PDE11A: variants seen among roughly 807,000 people sequenced by gnomAD.
The protein encoded by PDE11A is phosphodiesterase 11A, also known as dual 3',5'-cyclic-AMP and -GMP phosphodiesterase 11A.
PDE11A carries 100 observed loss-of-function variants against 100.5 expected under a neutral mutation model. The ratio of observed to expected loss-of-function variants is 1.00; its 90% CI spans 0.85 to 1.18. PDE11A has a LOEUF of 1.18. PDE11A is among the 50% of genes most tolerant of loss of function. The pLI, the probability that PDE11A is intolerant of heterozygous loss-of-function variation, is 0.00. For missense variants in PDE11A, 1,141 were observed against 1,152.6 expected (o/e 0.99, Z 0.15); for synonymous variants, 381 against 420.8 (o/e 0.91, Z 1.16).
intron 13 of PDE11A, among the ~76,000 whole-genome samples, chr2:177,702,931 A>T (rs551029946): frequency 1.3e-5 from 2 of 152,182 alleles, no homozygotes; most frequent in Non-Finnish European, 2.9e-5. Context: ...TGATAAATTA[A>T]TACTTAATGT....
intron 1 of PDE11A, among the ~76,000 whole-genome samples, chr2:178,058,608 G>C (rs1228939270): frequency 6.6e-6 from 1 of 152,140 alleles, no homozygotes; most frequent in Non-Finnish European, 1.5e-5. Context: ...AGCAGCATGA[G>C]AATAGACTAA....
intron 10 of PDE11A, 58 bp from the exon 11 acceptor site, chr2:177,728,230 C>T: frequency 6.8e-7 from 1 of 1,480,478 alleles, no homozygotes; most frequent in Admixed American, 1.7e-5. Context: ...AAACCCCCAT[C>T]CTGCTCTCCT....
intron 2 of PDE11A, among the ~76,000 whole-genome samples, chr2:177,933,768 T>C (rs909678353): frequency 5.3e-5 from 8 of 151,968 alleles, no homozygotes; most frequent in African/African-American, 1.9e-4. Context: ...CAAAACAGCA[T>C]GTACAAAAAC....
At chr2:177,944,789 T>C (rs796075087) in intron 2 of PDE11A, among the ~76,000 whole-genome samples, 3 of 147,712 alleles carry the variant, frequency 2.0e-5, no homozygotes, top group Admixed American at 6.8e-5. Flanking sequence ...TTTGGACAGA[T>C]AGAAGATGCG....
chr2:178,087,443 T>C (rs1470236044), intron 2 of PDE11A, among the ~76,000 whole-genome samples: 1 of 151,428 alleles, frequency 6.6e-6, no homozygotes, highest in African/African-American at 2.4e-5. Flanking sequence ...GCAACATGGA[T>C]AAAACTGGAG....
At chr2:177,833,481 T>C (rs1031137782) in intron 6 of PDE11A, among the ~76,000 whole-genome samples, 3 of 152,150 alleles carry the variant, frequency 2.0e-5, no homozygotes, top group African/African-American at 7.2e-5. Flanking sequence ...CCCAAGAGGA[T>C]GCTAAAGGAA....
intron 9 of PDE11A, among the ~76,000 whole-genome samples, chr2:177,770,814 G>T (rs1280980526): frequency 6.6e-6 from 1 of 152,148 alleles, no homozygotes; most frequent in Non-Finnish European, 1.5e-5. Flanking sequence ...GTTTTATGCT[G>T]CCAGACACAT....
upstream of PDE11A, among the ~76,000 whole-genome samples, chr2:178,075,814 T>C (rs1463466889): frequency 6.6e-6 from 1 of 151,852 alleles, no homozygotes; most frequent in Non-Finnish European, 1.5e-5. Flanking sequence ...CTTGAAGAGG[T>C]CCCCTTAGGA....
At chr2:177,925,050 G>A (rs1457820778) in intron 2 of PDE11A, among the ~76,000 whole-genome samples, 1 of 150,442 alleles carries the variant, frequency 6.6e-6, no homozygotes, top group African/African-American at 2.4e-5. Flanking sequence ...CCCTACAAAG[G>A]ACATGAACTC....
intron 6 of PDE11A, among the ~76,000 whole-genome samples, chr2:177,837,100 C>T (rs2083414423): frequency 6.6e-6 from 1 of 152,198 alleles, no homozygotes; most frequent in Non-Finnish European, 1.5e-5. Context: ...TGGCCTCTCC[C>T]TCCGTGTGCA....
intron 5 of PDE11A, among the ~76,000 whole-genome samples, chr2:177,873,601 T>A (rs2084181394): frequency 6.6e-6 from 1 of 152,144 alleles, no homozygotes; most frequent in Non-Finnish European, 1.5e-5. Context: ...ACAAATACAG[T>A]TGTATAATCA....
intron 9 of PDE11A, among the ~76,000 whole-genome samples, chr2:177,782,878 C>T (rs2082473781): frequency 6.6e-6 from 1 of 151,438 alleles, no homozygotes; most frequent in African/African-American, 2.4e-5. Context: ...CTATCTCTCC[C>T]CTCTCCACTT....
In PDE11A at chr2:177,845,696, T is replaced by C. The variant is rs910311203; in HGVS notation, c.1368-5313A>G. Among the ~76,000 whole-genome samples the C allele has an allele frequency of 3.3e-5, 5 of 151,684 alleles. No homozygotes were observed. The South Asian group carries it at 6.3e-4, about 19-fold the overall frequency. Reference sequence around the variant, plus strand: ...AAGGCAGGCAGCTGGGAGGTGGAGGTTGTAGCAAGCCGAGATCAAGCCACT... The same window carrying C: ...AAGGCAGGCAGCTGGGAGGTGGAGGCTGTAGCAAGCCGAGATCAAGCCACT... On this transcript the variant is annotated intron_variant, in intron 5 of 19. Transcript: ENST00000286063.
Position 177,845,034 on chromosome 2 carries a change from G to A in PDE11A, c.1368-4651C>T, listed in dbSNP as rs1313671630. Among the ~76,000 whole-genome samples, 1,103 of 151,532 alleles carry A rather than the reference G, an allele frequency of 7.3e-3. 10 individuals are homozygous for A. The highest frequency in any genetic ancestry group is 0.025 in the African/African-American group (1,023 of 41,324). The stretch of plus-strand genomic sequence containing the variant: ...AAAGCCGCCATTGTCATCCTGGCCC[G>A]TTCTCAATGAGCTGTTGGGCACACC... On this transcript the variant is annotated intron_variant, in intron 5 of 19. Transcript: ENST00000286063.
At chr2:177,830,654 T>A (rs915709994) in intron 6 of PDE11A, among the ~76,000 whole-genome samples, 1 of 147,410 alleles carries the variant, frequency 6.8e-6, no homozygotes, top group Non-Finnish European at 1.5e-5. Flanking sequence ...AATAATCAGG[T>A]GTTGTTTTAA....
intron 2 of PDE11A, among the ~76,000 whole-genome samples, chr2:178,091,447 C>T (rs2087422131): frequency 6.6e-6 from 1 of 152,144 alleles, no homozygotes; most frequent in African/African-American, 2.4e-5. Flanking sequence ...GCAGAAGATC[C>T]AAGTTTTGGT....
At chr2:177,822,931 T>C (rs2083163055) in intron 6 of PDE11A, among the ~76,000 whole-genome samples, 1 of 152,164 alleles carries the variant, frequency 6.6e-6, no homozygotes, top group Non-Finnish European at 1.5e-5. Flanking sequence ...TTTGTTTCCA[T>C]CAATCTTGCT....
At chr2:177,953,501 C>T (rs1222557047) in intron 2 of PDE11A, among the ~76,000 whole-genome samples, 8 of 152,124 alleles carry the variant, frequency 5.3e-5, no homozygotes, top group Non-Finnish European at 1.2e-4. Flanking sequence ...TACATTATAT[C>T]TTTCTGAAAA....
chr2:177,874,793 T>C (rs2084203564), intron 5 of PDE11A, among the ~76,000 whole-genome samples: 1 of 152,224 alleles, frequency 6.6e-6, no homozygotes, highest in African/African-American at 2.4e-5. Context: ...TTTAGTCAAA[T>C]ATGTGATGTG....
Sources: allele counts gnomAD v4.1 joint callset (sites outside exome capture counted in the v4.1 genomes callset), GRCh38; gene constraint gnomAD v4.1.1; transcripts MANE v1.5; gene names NCBI Gene and HGNC (gene_info 2026-07-23, HGNC 2026-07-21).